IMMP2L: variants seen among roughly 807,000 people sequenced by gnomAD.
IMMP2L encodes the protein mitochondrial inner membrane protease subunit 2.
A neutral mutation model predicts 19.3 loss-of-function variants in IMMP2L; 18 were observed. The ratio of observed to expected loss-of-function variants is 0.93; its 90% CI spans 0.64 to 1.38. IMMP2L has a LOEUF of 1.38. IMMP2L is among the 40% of genes most tolerant of loss of function. The pLI is 0.00. For synonymous variants in IMMP2L, 76 were observed against 73.0 expected (o/e 1.04, Z -0.21); for missense variants, 233 against 218.2 (o/e 1.07, Z -0.43).
At chr7:110,865,990 AG>A (rs1181429912) in intron 5 of IMMP2L, among the ~76,000 whole-genome samples, 3 of 152,080 alleles carry the variant, frequency 2.0e-5, no homozygotes, top group Non-Finnish European at 4.4e-5. Flanking sequence ...AAAAGGATAC[AG>A]ATAAGGCAAA....
chr7:110,838,337 T>A (rs1208556108), intron 5 of IMMP2L, among the ~76,000 whole-genome samples: 2 of 152,186 alleles, frequency 1.3e-5, no homozygotes, highest in Non-Finnish European at 2.9e-5. Context: ...CAATGGTTTG[T>A]CCTTTGCGTT....
At chr7:111,026,766 C>T (rs1437806655) in intron 3 of IMMP2L, among the ~76,000 whole-genome samples, 1 of 152,098 alleles carries the variant, frequency 6.6e-6, no homozygotes, top group Non-Finnish European at 1.5e-5. Context: ...TGCTCTTAAA[C>T]CCGTCAAGAT....
At chr7:110,908,258 C>T (rs1179661640) in intron 4 of IMMP2L, among the ~76,000 whole-genome samples, 2 of 152,132 alleles carry the variant, frequency 1.3e-5, no homozygotes, top group Non-Finnish European at 2.9e-5. Flanking sequence ...TTCTCTCTCT[C>T]CTTCAAATTA....
intron 4 of IMMP2L, among the ~76,000 whole-genome samples, chr7:110,907,497 T>A (rs1392281486): frequency 2.0e-5 from 3 of 151,786 alleles, no homozygotes; most frequent in Non-Finnish European, 4.4e-5. Flanking sequence ...TATGGGCACA[T>A]GATGGGGGAT....
At chr7:111,041,651 C>G (rs978227214) in intron 3 of IMMP2L, among the ~76,000 whole-genome samples, 3 of 151,576 alleles carry the variant, frequency 2.0e-5, no homozygotes, top group Non-Finnish European at 4.4e-5. Flanking sequence ...GGGCCCTATC[C>G]TTGAGAATCT....
intron 2 of IMMP2L, among the ~76,000 whole-genome samples, chr7:111,501,725 G>C (rs1844283996): frequency 6.6e-6 from 1 of 152,080 alleles, no homozygotes; most frequent in Non-Finnish European, 1.5e-5. Flanking sequence ...GCCAAACTAA[G>C]CTTCATAAGT....
At chr7:111,026,630 A>G (rs1826855367) in intron 3 of IMMP2L, among the ~76,000 whole-genome samples, 1 of 152,186 alleles carries the variant, frequency 6.6e-6, no homozygotes, top group Admixed American at 6.6e-5. Context: ...TCAGAAAAAC[A>G]TAAATTAGAT....
chr7:111,087,749 C>G (rs1205457555), intron 3 of IMMP2L, among the ~76,000 whole-genome samples: 1 of 151,766 alleles, frequency 6.6e-6, no homozygotes, highest in Non-Finnish European at 1.5e-5. Flanking sequence ...GTAATAAGAG[C>G]GATAAAGAGT....
chr7:111,027,249 T>C (rs1384164213), intron 3 of IMMP2L, among the ~76,000 whole-genome samples: 1 of 152,130 alleles, frequency 6.6e-6, no homozygotes, highest in East Asian at 1.9e-4. Flanking sequence ...AAGGGCTGAG[T>C]TCTCATTTGC....
At chr7:110,946,823 C>A (rs1243349363) in intron 4 of IMMP2L, among the ~76,000 whole-genome samples, 2 of 147,978 alleles carry the variant, frequency 1.4e-5, no homozygotes, top group Non-Finnish European at 3.0e-5. Flanking sequence ...CAGGTTCACA[C>A]CATTCTCCTG....
chr7:110,781,115 G>A (rs568187807), intron 5 of IMMP2L, among the ~76,000 whole-genome samples: 1 of 151,960 alleles, frequency 6.6e-6, no homozygotes, highest in East Asian at 1.9e-4. Context: ...CACTGAAAAG[G>A]CTTTTAGTTA....
chr7:111,267,996 T>G (rs2130111133), intron 3 of IMMP2L, among the ~76,000 whole-genome samples: 1 of 152,252 alleles, frequency 6.6e-6, no homozygotes, highest in South Asian at 2.1e-4. Flanking sequence ...TCAAGACATT[T>G]TTTAATTGGC....
intron 3 of IMMP2L, among the ~76,000 whole-genome samples, chr7:111,474,244 G>A (rs1003460032): frequency 5.3e-5 from 8 of 152,104 alleles, no homozygotes; most frequent in South Asian, 4.2e-4. Flanking sequence ...CCTGGATGAC[G>A]GGATCAATCA....
chr7:111,011,512 G>A (rs1321441658), intron 3 of IMMP2L, among the ~76,000 whole-genome samples: 1 of 152,108 alleles, frequency 6.6e-6, no homozygotes, highest in Non-Finnish European at 1.5e-5. Flanking sequence ...TCATTACTCT[G>A]AAATGAAGTC....
At chr7:110,834,815 T>C (rs1804289839) in intron 5 of IMMP2L, among the ~76,000 whole-genome samples, 1 of 152,082 alleles carries the variant, frequency 6.6e-6, no homozygotes, top group Non-Finnish European at 1.5e-5. Flanking sequence ...GAAGAAGAGA[T>C]TACAGTTGGC....
Position 111,501,291 on chromosome 7 carries a change from C to T in IMMP2L, c.136-13950G>A, listed in dbSNP as rs899640136. The stretch of plus-strand genomic sequence containing the variant: ...TTAGAGAAAAAAGAATAAAAAGAAA[C>T]AAACAAAGCCTCCAAGAAATATGGG... On this transcript the variant is annotated intron_variant, in intron 2 of 5. Transcript: ENST00000405709. 6.6e-4 allele frequency among the ~76,000 whole-genome samples: 100 copies of T among 152,032 alleles called. 3 individuals carry two copies. The South Asian group carries it at 0.018, about 28-fold the overall frequency.
intron 3 of IMMP2L, among the ~76,000 whole-genome samples, chr7:111,330,594 G>T (rs1282752072): frequency 6.6e-6 from 1 of 151,422 alleles, no homozygotes; most frequent in East Asian, 1.9e-4. Context: ...AATCCTCAGG[G>T]AATCCAGGCA....
At chr7:110,742,885 C>G (rs1217426975) in intron 5 of IMMP2L, among the ~76,000 whole-genome samples, 1 of 152,062 alleles carries the variant, frequency 6.6e-6, no homozygotes, top group African/African-American at 2.4e-5. Flanking sequence ...TCCTTACAAA[C>G]CTTTCTCTCC....
chr7:111,086,529 T>G (rs998736891), intron 3 of IMMP2L, among the ~76,000 whole-genome samples: 1 of 152,158 alleles, frequency 6.6e-6, no homozygotes, highest in Non-Finnish European at 1.5e-5. Flanking sequence ...TTTCCAAAAC[T>G]CCTTTGAAAA....
Sources: allele counts gnomAD v4.1 joint callset (sites outside exome capture counted in the v4.1 genomes callset), GRCh38; gene constraint gnomAD v4.1.1; transcripts MANE v1.5; gene names NCBI Gene and HGNC (gene_info 2026-07-23, HGNC 2026-07-21).